Variants in NCOR2 observed in about 807,000 individuals in gnomAD.
NCOR2 encodes CTG repeat protein 26.
A neutral mutation model predicts 262.9 loss-of-function variants in NCOR2; 81 were observed. That is an observed-to-expected ratio of 0.31 (90% CI 0.26 to 0.37). The LOEUF is 0.37. Ranked by LOEUF, NCOR2 falls within the 10% of genes least tolerant of loss-of-function variation. The pLI is 1.00. For missense variants in NCOR2, 3,385 were observed against 3,621.4 expected (o/e 0.93, Z 1.68); for synonymous variants, 1,659 against 1,559.3 (o/e 1.06, Z -1.51).
rs955008157 is a variant in NCOR2, at chr12:124,554,223, G to A, written c.-165+13085C>T. Among the ~76,000 whole-genome samples the A allele has an allele frequency of 2.6e-5, 4 of 152,268 alleles. No individual in the cohort carries two copies. In the East Asian group the frequency reaches 7.7e-4, roughly 29 times the overall value. On this transcript the variant is annotated intron_variant, in intron 1 of 32. Transcript: ENST00000458234. ...TTTCCTGCCAGAGGTGCCGCGAGGT[G>A]GCATCACTCCCATTTCACAGGTCCC...
chr12:124,327,773 A>T, intron 44 of NCOR2, 140 bp from the exon 47 acceptor site: 1 of 631,036 alleles, frequency 1.6e-6, no homozygotes, highest in Non-Finnish European at 2.8e-6. Context: ...CAGTGAGCAC[A>T]TTTCGGCAAA....
chr12:124,484,611 C>G (rs1432151401), intron 2 of NCOR2, among the ~76,000 whole-genome samples: 1 of 152,248 alleles, frequency 6.6e-6, no homozygotes, highest in Non-Finnish European at 1.5e-5. Flanking sequence ...CACTGCACTC[C>G]TGCCCCAGGG....
intron 1 of NCOR2, among the ~76,000 whole-genome samples, chr12:124,494,752 A>C (rs1173550272): frequency 1.3e-5 from 2 of 152,178 alleles, no homozygotes; most frequent in East Asian, 3.9e-4. Flanking sequence ...GCTGTGACCT[A>C]TCCGGCCCCC....
intron 1 of NCOR2, among the ~76,000 whole-genome samples, chr12:124,516,557 C>T (rs2137055303): frequency 6.6e-6 from 1 of 152,310 alleles, no homozygotes; most frequent in South Asian, 2.1e-4. Flanking sequence ...ATTACGGAGG[C>T]CCACCCAGGC....
Position 124,332,545 on chromosome 12 carries a change from T to C in NCOR2, c.6756-78A>G, listed in dbSNP as rs2135749530. 6 of 1,586,470 alleles carry C rather than the reference T, an allele frequency of 3.8e-6. No individual in the cohort carries two copies. In the African/African-American group the frequency reaches 4.0e-5, roughly 11 times the overall value. On this transcript the variant is annotated intron_variant, in intron 42 of 46. Coordinates refer to ENST00000405201, the Ensembl canonical transcript of NCOR2. ...CTTTGATGATGGGGAACTCACCACCTGAGATGCCTTAGACATTTGGAAGCA... is the reference window on the plus strand; with the variant it reads ...CTTTGATGATGGGGAACTCACCACCCGAGATGCCTTAGACATTTGGAAGCA...
chr12:124,460,000 T>A (rs956321068), intron 5 of NCOR2, among the ~76,000 whole-genome samples: 12 of 152,198 alleles, frequency 7.9e-5, no homozygotes, highest in African/African-American at 2.9e-4. Context: ...CTCTTGCTCA[T>A]GTCTTGACTC....
At chr12:124,486,284 C>T (rs896551493) in intron 2 of NCOR2, 157 bp downstream of exon 4, 20 of 1,199,562 alleles carry the variant, frequency 1.7e-5, no homozygotes, top group Admixed American at 1.5e-4. Context: ...ATCCTCACCC[C>T]GAGTCACGCC....
At chr12:124,385,544 G>A (rs945612013) in intron 17 of NCOR2, among the ~76,000 whole-genome samples, 2 of 152,092 alleles carry the variant, frequency 1.3e-5, no homozygotes, top group African/African-American at 4.8e-5. Flanking sequence ...CTCCAAGGCA[G>A]GGACACTCAT....
chr12:124,374,522 G>T, intron 18 of NCOR2, 59 bp from the exon 21 acceptor site: 1 of 1,553,252 alleles, frequency 6.4e-7, no homozygotes, highest in South Asian at 1.1e-5. Context: ...GGGAGGGGAG[G>T]GAGGAGGCAA....
chr12:124,486,352 T>C (rs1422363977), intron 2 of NCOR2, 89 bp downstream of exon 4: 3 of 1,549,324 alleles, frequency 1.9e-6, no homozygotes, highest in Admixed American at 4.0e-5. Context: ...CAGGACCCTG[T>C]GTGCTCCTGC....
chr12:124,508,082 A>G (rs1328841948), intron 1 of NCOR2, among the ~76,000 whole-genome samples: 2 of 152,236 alleles, frequency 1.3e-5, no homozygotes, highest in African/African-American at 4.8e-5. Flanking sequence ...CCAGGGCGAC[A>G]GAGCCCACCC....
intron 41 of NCOR2, among the ~76,000 whole-genome samples, chr12:124,334,100 G>T (rs2035653772): frequency 6.6e-6 from 1 of 152,206 alleles, no homozygotes; most frequent in African/African-American, 2.4e-5. Flanking sequence ...TGCCCCTGTG[G>T]GCAAGTGAAT....
In NCOR2 at chr12:124,334,454, C is replaced by T. The variant is rs370192215; in HGVS notation, c.6575G>A (p.Arg2192His). 77 of 1,494,654 alleles carry T rather than the reference C, an allele frequency of 5.2e-5. No homozygotes were observed. Among genetic ancestry groups the T allele is most frequent in the South Asian group, 2.6e-4 (20 of 76,072 alleles). The allele number at this position is 1,494,654 out of a possible 1,614,324, so 92.6% of individuals were successfully genotyped here. A position where few individuals can be genotyped will look rare whatever the true frequency, so the allele number is the denominator to read the frequency against. ...GCCCCCTTCGCTGTGGGGGGAGCCA[C>T]GGGCCGGGGCACCATGGTCCGGGGG... is the stretch of plus-strand genomic sequence containing the variant. Residue 2192 changes from arginine (R) to histidine (H), a missense_variant, in exon 41 of 47, where the codon CGT (arginine) becomes CAT (histidine). Physicochemically the swap from Arg to His is conservative, Grantham distance 29. Transcript: ENST00000405201.
At chr12:124,363,646 G>A in intron 21 of NCOR2, 33 bp downstream of exon 23, 1 of 1,340,016 alleles carries the variant, frequency 7.5e-7, no homozygotes, top group South Asian at 2.4e-5. Context: ...AGGTCAGGGT[G>A]GACTCTGTGG....
intron 13 of NCOR2, among the ~76,000 whole-genome samples, chr12:124,416,058 T>C (rs2042841670): frequency 6.6e-6 from 1 of 152,030 alleles, no homozygotes; most frequent in Admixed American, 6.6e-5. Flanking sequence ...TCATCAAAGA[T>C]CAGAACACCT....
intron 8 of NCOR2, 120 bp from the exon 11 acceptor site, chr12:124,430,907 C>T: frequency 8.5e-7 from 1 of 1,176,862 alleles, no homozygotes; most frequent in South Asian, 1.5e-5. Context: ...CAAAGTCACA[C>T]AGGCACACAC....
chr12:124,473,756 T>G (rs1319866505), intron 3 of NCOR2, among the ~76,000 whole-genome samples: 1 of 152,012 alleles, frequency 6.6e-6, no homozygotes, highest in Non-Finnish European at 1.5e-5. Flanking sequence ...CAATTAAACC[T>G]CTTTCTTTTT....
chr12:124,552,073 A>C (rs113162522), intron 1 of NCOR2, among the ~76,000 whole-genome samples: 7,935 of 152,162 alleles, frequency 0.052, 279 homozygotes, highest in East Asian at 0.1. Flanking sequence ...TAACCACAGC[A>C]CTCTGGGAGG....
chr12:124,406,589 C>A (rs1376549777), intron 13 of NCOR2, among the ~76,000 whole-genome samples: 1 of 152,208 alleles, frequency 6.6e-6, no homozygotes, highest in South Asian at 2.1e-4. Context: ...TCTCAAAGGA[C>A]CCCGCCCTCG....
Sources: allele counts gnomAD v4.1 joint callset (sites outside exome capture counted in the v4.1 genomes callset), GRCh38; gene constraint gnomAD v4.1.1; transcripts MANE v1.5; gene names NCBI Gene and HGNC (gene_info 2026-07-23, HGNC 2026-07-21).